Variants in PALM2AKAP2 observed in about 807,000 individuals in gnomAD.
The protein encoded by PALM2AKAP2 is PALM2-AKAP2 fusion protein.
A neutral mutation model predicts 71.5 loss-of-function variants in PALM2AKAP2; 37 were observed. The ratio of observed to expected loss-of-function variants is 0.52; its 90% CI spans 0.40 to 0.68. The LOEUF is 0.68. Ranked by LOEUF, PALM2AKAP2 falls within the 30% of genes least tolerant of loss-of-function variation. PALM2AKAP2 has a pLI of 0.00. For synonymous variants in PALM2AKAP2, 468 were observed against 478.8 expected (o/e 0.98, Z 0.29); for missense variants, 1,224 against 1,191.8 (o/e 1.03, Z -0.40).
At chr9:109,850,052 G>T (rs1032438815) in intron 1 of PALM2AKAP2, among the ~76,000 whole-genome samples, 1 of 152,114 alleles carries the variant, frequency 6.6e-6, no homozygotes, top group South Asian at 2.1e-4. Context: ...TGGGTTTCAC[G>T]GGCCCTCAGT....
At chr9:109,705,650 C>A (rs1330741077) in intron 1 of PALM2AKAP2, among the ~76,000 whole-genome samples, 1 of 152,162 alleles carries the variant, frequency 6.6e-6, no homozygotes, top group Non-Finnish European at 1.5e-5. Context: ...CACTGGGAGG[C>A]AGAACTACCC....
chr9:109,845,117 G>A (rs1248466769), intron 1 of PALM2AKAP2, among the ~76,000 whole-genome samples: 1 of 152,206 alleles, frequency 6.6e-6, no homozygotes, highest in East Asian at 1.9e-4. Flanking sequence ...CTTACTAAGT[G>A]CATTTGAAGA....
chr9:110,030,464 G>A lies in PALM2AKAP2; in HGVS notation c.582+14425G>A, dbSNP rs147924876. ...TTCACAGAACCATTTCATCCTGTGC[G>A]TAGGGGAGAGACAGAAGATTGAGAG... On this transcript the variant is annotated intron_variant, in intron 7 of 9. Transcript: ENST00000302798. 8.1e-4 allele frequency among the ~76,000 whole-genome samples: 124 copies of A among 152,306 alleles called. 1 individual carries two copies. The highest frequency in any genetic ancestry group is 1.9e-3 in the South Asian group (9 of 4,820).
chr9:109,991,441 G>A (rs564712851), intron 6 of PALM2AKAP2, among the ~76,000 whole-genome samples: 68 of 151,838 alleles, frequency 4.5e-4, no homozygotes, highest in African/African-American at 1.6e-3. Flanking sequence ...GCCTCCCTGT[G>A]TTGCCTAGGC....
chr9:109,924,925 C>T (rs1037436393), intron 4 of PALM2AKAP2, 136 bp from the exon 5 acceptor site: 10 of 1,229,062 alleles, frequency 8.1e-6, no homozygotes, highest in Middle Eastern at 2.0e-4. Context: ...GAAAAGAGAT[C>T]GTTGCGTTTC....
At chr9:110,124,231 G>C (rs1564317746) in intron 1 of PALM2AKAP2, among the ~76,000 whole-genome samples, 1 of 152,184 alleles carries the variant, frequency 6.6e-6, no homozygotes, top group Non-Finnish European at 1.5e-5. Flanking sequence ...CAGGAGGACT[G>C]CTATGCTGGC....
chr9:109,939,132 T>C (rs1382694373), intron 6 of PALM2AKAP2, among the ~76,000 whole-genome samples: 1 of 152,210 alleles, frequency 6.6e-6, no homozygotes, highest in Non-Finnish European at 1.5e-5. Context: ...TATCACCTGC[T>C]CTAAAGCATC....
At chr9:109,832,662 C>A (rs567643403) in intron 1 of PALM2AKAP2, among the ~76,000 whole-genome samples, 1 of 152,286 alleles carries the variant, frequency 6.6e-6, no homozygotes, top group African/African-American at 2.4e-5. Flanking sequence ...AAGACTTTTA[C>A]AAAATGCAAA....
At chr9:110,139,405 A>G (rs1006431460) in intron 2 of PALM2AKAP2, among the ~76,000 whole-genome samples, 8 of 152,232 alleles carry the variant, frequency 5.3e-5, no homozygotes, top group Non-Finnish European at 8.8e-5. Context: ...TAGTCCAGGA[A>G]TCATTTGCTA....
chr9:109,762,918 A>T (rs944373060), intron 1 of PALM2AKAP2, among the ~76,000 whole-genome samples: 7 of 152,160 alleles, frequency 4.6e-5, no homozygotes, highest in Non-Finnish European at 7.4e-5. Flanking sequence ...AGTAAACATT[A>T]GGATTTTAGG....
At chr9:109,865,503 G>A (rs1481182070) in intron 1 of PALM2AKAP2, among the ~76,000 whole-genome samples, 1 of 152,096 alleles carries the variant, frequency 6.6e-6, no homozygotes, top group Non-Finnish European at 1.5e-5. Flanking sequence ...AGCATGTAAA[G>A]GTCCACTGCC....
chr9:109,990,648 T>A (rs1238606180), intron 6 of PALM2AKAP2, among the ~76,000 whole-genome samples: 1 of 152,182 alleles, frequency 6.6e-6, no homozygotes, highest in Non-Finnish European at 1.5e-5. Flanking sequence ...AAAGTAAAAG[T>A]GAAGCCATCT....
At chr9:109,722,210 T>G (rs1482372988) in intron 1 of PALM2AKAP2, among the ~76,000 whole-genome samples, 2 of 152,208 alleles carry the variant, frequency 1.3e-5, no homozygotes, top group Non-Finnish European at 2.9e-5. Flanking sequence ...AGGAAATTAT[T>G]TATATACTGA....
intron 1 of PALM2AKAP2, among the ~76,000 whole-genome samples, chr9:109,708,314 T>C (rs1828173151): frequency 6.6e-6 from 1 of 152,094 alleles, no homozygotes; most frequent in Admixed American, 6.6e-5. Context: ...TGGCTCAACT[T>C]ACTATAGACA....
chr9:110,000,471 A>G (rs1288061783), intron 6 of PALM2AKAP2, among the ~76,000 whole-genome samples: 3 of 152,196 alleles, frequency 2.0e-5, no homozygotes, highest in African/African-American at 7.2e-5. Context: ...CGCAATAAAC[A>G]TATGTGTGCA....
intron 3 of PALM2AKAP2, among the ~76,000 whole-genome samples, chr9:110,161,059 C>T (rs559398505): frequency 7.9e-5 from 12 of 152,304 alleles, no homozygotes; most frequent in East Asian, 3.9e-4. Flanking sequence ...TTTCCCCAGA[C>T]GCTACAGGAA....
At chr9:109,792,701 T>A (rs565996680) in intron 1 of PALM2AKAP2, among the ~76,000 whole-genome samples, 1 of 152,204 alleles carries the variant, frequency 6.6e-6, no homozygotes, top group East Asian at 1.9e-4. Flanking sequence ...TGTTTCATAA[T>A]GAGCACCCTA....
chr9:110,041,995 G>A (rs1441021732), intron 7 of PALM2AKAP2, among the ~76,000 whole-genome samples: 2 of 152,220 alleles, frequency 1.3e-5, no homozygotes, highest in Non-Finnish European at 2.9e-5. Flanking sequence ...ATCTTAGGGA[G>A]AGGTCAACCC....
At chr9:109,729,340 C>G (rs139365918) in intron 1 of PALM2AKAP2, among the ~76,000 whole-genome samples, 1 of 152,084 alleles carries the variant, frequency 6.6e-6, no homozygotes, top group Non-Finnish European at 1.5e-5. Flanking sequence ...CATTTAAAAC[C>G]GCTGATTAAT....
Sources: gnomAD v4.1 joint callset for allele counts (sites outside exome capture counted in the v4.1 genomes callset) on GRCh38, gnomAD v4.1.1 for gene constraint, MANE v1.5 for transcripts, NCBI Gene and HGNC (gene_info 2026-07-23, HGNC 2026-07-21) for gene names.